Variants in ANKRD44 observed in about 807,000 individuals in gnomAD.
ANKRD44 encodes the protein ankyrin repeat domain 44, also known as serine/threonine-protein phosphatase 6 regulatory ankyrin repeat subunit B.
A neutral mutation model predicts 116.0 loss-of-function variants in ANKRD44; 35 were observed. The ratio of observed to expected loss-of-function variants is 0.30; its 90% CI spans 0.23 to 0.40. ANKRD44 has a LOEUF of 0.40. Ranked by LOEUF, ANKRD44 falls within the 10% of genes least tolerant of loss-of-function variation. ANKRD44 has a pLI of 1.00. For missense variants in ANKRD44, 1,014 were observed against 1,242.6 expected, an observed-to-expected ratio of 0.82 and a Z score of 2.77; for synonymous variants, 435 against 461.8, an observed-to-expected ratio of 0.94 and a Z score of 0.74.
rs1019281429 is a variant in ANKRD44, at chr2:197,019,871, A to G, written c.1722+5325T>C. Among the ~76,000 whole-genome samples, 3 of 149,940 alleles carry G rather than the reference A, an allele frequency of 2.0e-5. No homozygotes were observed. In the East Asian group the frequency reaches 5.9e-4, roughly 29 times the overall value. On this transcript the variant is annotated intron_variant, in intron 17 of 27. Coordinates refer to ENST00000282272, the MANE Select transcript of ANKRD44 (RefSeq NM_001195144.2). ...GAGTGCAGTGGTGCCATCTTGGCTC[A>G]CTGCAGCCTCCACCTCCCGGGTTCA...
chr2:197,086,271 G>A (rs1167748318), intron 13 of ANKRD44, among the ~76,000 whole-genome samples: 2 of 152,152 alleles, frequency 1.3e-5, no homozygotes, highest in African/African-American at 2.4e-5. Flanking sequence ...TTGGTGGTGT[G>A]TGTGCACTTA....
At chr2:197,168,527 CATGTGCAG>C (rs1366403545) in intron 2 of ANKRD44, among the ~76,000 whole-genome samples, 3 of 152,174 alleles carry the variant, frequency 2.0e-5, no homozygotes, top group Non-Finnish European at 4.4e-5. Flanking sequence ...CCAATTACTA[CATGTGCAG>C]AATAATGGTG....
intron 1 of ANKRD44, among the ~76,000 whole-genome samples, chr2:197,288,677 T>C (rs985642945): frequency 6.6e-6 from 1 of 151,740 alleles, no homozygotes; most frequent in African/African-American, 2.4e-5. Context: ...CACACACATA[T>C]ACACATACAC....
At chr2:197,289,651 T>C (rs1025670841) in intron 1 of ANKRD44, among the ~76,000 whole-genome samples, 3 of 152,230 alleles carry the variant, frequency 2.0e-5, no homozygotes, top group Non-Finnish European at 4.4e-5. Context: ...TCCATTTGTG[T>C]GAAATTCATC....
At chr2:197,157,348 G>A (rs1377367015) in intron 2 of ANKRD44, among the ~76,000 whole-genome samples, 1 of 152,118 alleles carries the variant, frequency 6.6e-6, no homozygotes. Flanking sequence ...ACAAAAGAAT[G>A]GCCTGTTGGC....
At chr2:197,225,921 T>TA (rs1254680959) in intron 1 of ANKRD44, among the ~76,000 whole-genome samples, 1 of 152,190 alleles carries the variant, frequency 6.6e-6, no homozygotes, top group African/African-American at 2.4e-5. Flanking sequence ...CACTTCCAAT[T>TA]ATCTAAAAAC....
intron 21 of ANKRD44, among the ~76,000 whole-genome samples, chr2:196,975,965 T>C (rs1460936899): frequency 6.6e-6 from 1 of 151,838 alleles, no homozygotes; most frequent in Non-Finnish European, 1.5e-5. Flanking sequence ...CAACAACATA[T>C]AAAAATTATT....
chr2:197,252,521 C>G (rs1315008101), intron 1 of ANKRD44, among the ~76,000 whole-genome samples: 1 of 152,164 alleles, frequency 6.6e-6, no homozygotes, highest in Non-Finnish European at 1.5e-5. Context: ...ACTCTCCTGC[C>G]TCAGCCTCCC....
At chr2:197,260,565 C>A (rs949868497) in intron 1 of ANKRD44, among the ~76,000 whole-genome samples, 2 of 151,912 alleles carry the variant, frequency 1.3e-5, no homozygotes, top group East Asian at 1.9e-4. Context: ...GTCTTTATAG[C>A]AGCATGATTT....
intron 13 of ANKRD44, 122 bp downstream of exon 13, chr2:197,086,558 G>A (rs182588953): frequency 8.3e-6 from 7 of 840,322 alleles, no homozygotes; most frequent in African/African-American, 3.5e-5. Flanking sequence ...TTCCTTCCGA[G>A]GAGGATGGAA....
At chr2:197,228,031 T>C (rs909425035) in intron 1 of ANKRD44, among the ~76,000 whole-genome samples, 2 of 152,194 alleles carry the variant, frequency 1.3e-5, no homozygotes, top group Non-Finnish European at 2.9e-5. Context: ...ATAGCATGCT[T>C]AACATCCCAA....
intron 16 of ANKRD44, among the ~76,000 whole-genome samples, chr2:197,028,513 G>A (rs922868747): frequency 6.6e-6 from 1 of 152,176 alleles, no homozygotes; most frequent in African/African-American, 2.4e-5. Flanking sequence ...GGCTTGGGCT[G>A]CCCTACATTA....
In ANKRD44 at chr2:197,106,805, TA is replaced by T. The variant is rs1376484094; in HGVS notation, c.985+3960del. On this transcript the variant is annotated intron_variant, in intron 9 of 27. Coordinates refer to ENST00000282272, the MANE Select transcript of ANKRD44 (RefSeq NM_001195144.2). ...ACTCCGTCTCAAATATATATATATA[TA>T]TTTTTTTTTTTTTTTCAGGAAAACA... Among the ~76,000 whole-genome samples, 12 of 75,082 alleles carry T rather than the reference TA, an allele frequency of 1.6e-4. No individual in the cohort carries two copies. In the South Asian group the frequency reaches 2.3e-3, roughly 14 times the overall value. The allele number at this position is 75,082 out of a possible 152,430, so 49.3% of individuals were successfully genotyped here. A position where few individuals can be genotyped will look rare whatever the true frequency, so the allele number is the denominator to read the frequency against.
intron 1 of ANKRD44, among the ~76,000 whole-genome samples, chr2:197,237,138 G>A (rs993525688): frequency 3.9e-5 from 6 of 152,048 alleles, no homozygotes; most frequent in African/African-American, 9.7e-5. Flanking sequence ...TATAATAGCC[G>A]ACTGTATTAT....
chr2:197,067,066 G>C (rs950456223), intron 16 of ANKRD44, among the ~76,000 whole-genome samples: 1 of 152,262 alleles, frequency 6.6e-6, no homozygotes, highest in African/African-American at 2.4e-5. Flanking sequence ...AAACAGCATG[G>C]TACTGGTACC....
chr2:197,155,281 G>A (rs1250923895), intron 2 of ANKRD44, among the ~76,000 whole-genome samples: 3 of 152,214 alleles, frequency 2.0e-5, no homozygotes, highest in Non-Finnish European at 4.4e-5. Flanking sequence ...AACTTGTCCA[G>A]AGTCACAAAG....
chr2:197,093,683 A>G (rs2078098112), intron 10 of ANKRD44, among the ~76,000 whole-genome samples: 2 of 152,234 alleles, frequency 1.3e-5, no homozygotes, highest in South Asian at 4.1e-4. Context: ...CTCTGAATCA[A>G]TTCAGGAATG....
At chr2:197,080,275 T>C (rs1326518294) in intron 15 of ANKRD44, among the ~76,000 whole-genome samples, 1 of 152,280 alleles carries the variant, frequency 6.6e-6, no homozygotes, top group Non-Finnish European at 1.5e-5. Flanking sequence ...ATTCTCCACA[T>C]TGCTTGTAAG....
chr2:197,064,025 G>GA (rs1470336866), intron 16 of ANKRD44, among the ~76,000 whole-genome samples: 1 of 152,144 alleles, frequency 6.6e-6, no homozygotes, highest in African/African-American at 2.4e-5. Context: ...TGAAATGAAG[G>GA]AAAAAATGTT....
Sources: gnomAD v4.1 joint callset for allele counts (sites outside exome capture counted in the v4.1 genomes callset) on GRCh38, gnomAD v4.1.1 for gene constraint, MANE v1.5 for transcripts, NCBI Gene and HGNC (gene_info 2026-07-23, HGNC 2026-07-21) for gene names.